The following TRPM3 variants were observed in gnomAD, a reference collection of about 807,000 sequenced individuals.
TRPM3 encodes transient receptor potential cation channel subfamily M member 3.
TRPM3 carries 77 observed loss-of-function variants against 181.2 expected under a neutral mutation model. The ratio of observed to expected loss-of-function variants is 0.42; its 90% confidence interval spans 0.35 to 0.51. The LOEUF (loss-of-function observed/expected upper bound fraction) is 0.51, where lower values mean the gene tolerates loss of function less well. TRPM3 is among the 20% of genes least tolerant of loss of function. The probability of loss-of-function intolerance (pLI) is 0.01; values close to 1 mark genes in which losing one functional copy is unlikely to be tolerated. For synonymous variants in TRPM3, 745 were observed against 796.4 expected, an observed-to-expected ratio of 0.94 and a Z score of 1.09; for missense variants, 1,759 against 2,196.7, an observed-to-expected ratio of 0.80 and a Z score of 3.98.
At chr9:71,038,313 T>C (rs572823630) in intron 1 of TRPM3, among the ~76,000 whole-genome samples, 4 of 152,274 alleles carry the variant, frequency 2.6e-5, no homozygotes, top group East Asian at 1.9e-4. Context: ...AGTAACGAAA[T>C]AGAAGTCCAG....
chr9:70,548,860 C>CTCTCTT (rs1554738075), intron 25 of TRPM3, among the ~76,000 whole-genome samples: 1 of 152,006 alleles, frequency 6.6e-6, no homozygotes, highest in Non-Finnish European at 1.5e-5. Flanking sequence ...CTCTCTCTCT[C>CTCTCTT]TCTCTCTCTT....
chr9:71,353,602 T>C (rs1368195344), intron 1 of TRPM3, among the ~76,000 whole-genome samples: 1 of 152,190 alleles, frequency 6.6e-6, no homozygotes, highest in Non-Finnish European at 1.5e-5. Flanking sequence ...GTATAAAGAT[T>C]AATGATAGAA....
At chr9:70,820,806 C>T (rs1268538072) in intron 6 of TRPM3, among the ~76,000 whole-genome samples, 1 of 151,980 alleles carries the variant, frequency 6.6e-6, no homozygotes, top group Non-Finnish European at 1.5e-5. Context: ...AAGTCAAATA[C>T]GGTAACTTGC....
rs2043952608 is a variant in TRPM3, at chr9:70,543,232, G to A, written c.3708-5827C>T. On this transcript the variant is annotated intron_variant, in intron 25 of 25. Transcript: ENST00000677713. ...TTAATTTTGTGGGTACATAGTAGGTGTATATATTTATGGAGTACATGAGAT... is the reference window on the plus strand; with the variant it reads ...TTAATTTTGTGGGTACATAGTAGGTATATATATTTATGGAGTACATGAGAT... 2.0e-5 allele frequency among the ~76,000 whole-genome samples: 3 copies of A among 152,260 alleles called. No homozygotes were observed. The South Asian group carries it at 6.2e-4, about 32-fold the overall frequency.
At chr9:71,099,559 A>G (rs1204206016) in intron 1 of TRPM3, among the ~76,000 whole-genome samples, 8 of 152,112 alleles carry the variant, frequency 5.3e-5, no homozygotes, top group Non-Finnish European at 1.0e-4. Context: ...CTGTTGTGAG[A>G]CTTTTTTAAT....
At chr9:70,833,989 G>GA (rs1042813661) in intron 5 of TRPM3, among the ~76,000 whole-genome samples, 1 of 151,738 alleles carries the variant, frequency 6.6e-6, no homozygotes, top group Admixed American at 6.6e-5. Context: ...AGAATGAAAT[G>GA]AAAAAAAAGA....
intron 1 of TRPM3, among the ~76,000 whole-genome samples, chr9:70,919,800 AT>A (rs1427633241): frequency 6.6e-6 from 1 of 151,240 alleles, no homozygotes; most frequent in Non-Finnish European, 1.5e-5. Flanking sequence ...AAAAAAAAAA[AT>A]CTTCCATCCC....
intron 1 of TRPM3, among the ~76,000 whole-genome samples, chr9:71,351,117 C>G (rs143281182): frequency 6.6e-6 from 1 of 152,218 alleles, no homozygotes; most frequent in Non-Finnish European, 1.5e-5. Flanking sequence ...GATGAGCTGT[C>G]CTGAATAAGT....
At chr9:71,316,611 A>C (rs1416519650) in intron 1 of TRPM3, among the ~76,000 whole-genome samples, 1 of 152,118 alleles carries the variant, frequency 6.6e-6, no homozygotes, top group Non-Finnish European at 1.5e-5. Flanking sequence ...TGGAAGGAGG[A>C]GGCCATAAGC....
chr9:71,148,943 C>T (rs1292987795), intron 1 of TRPM3, among the ~76,000 whole-genome samples: 1 of 152,112 alleles, frequency 6.6e-6, no homozygotes, highest in African/African-American at 2.4e-5. Context: ...TGACTGTAGG[C>T]TGATAGCCTT....
chr9:71,083,694 C>T (rs1045886796), intron 1 of TRPM3, among the ~76,000 whole-genome samples: 3 of 144,770 alleles, frequency 2.1e-5, no homozygotes, highest in Non-Finnish European at 4.5e-5. Context: ...CATAAAAGTC[C>T]CCAAAATGTA....
intron 22 of TRPM3, among the ~76,000 whole-genome samples, chr9:70,583,258 T>C (rs996939028): frequency 6.6e-6 from 1 of 152,146 alleles, no homozygotes; most frequent in African/African-American, 2.4e-5. Context: ...AAAAGAAATG[T>C]GAGTCTGCAC....
intron 6 of TRPM3, among the ~76,000 whole-genome samples, chr9:70,790,227 T>C (rs143123549): frequency 5.9e-5 from 9 of 152,332 alleles, no homozygotes; most frequent in African/African-American, 1.9e-4. Context: ...AACTGGCTCA[T>C]ATTTACATGG....
intron 12 of TRPM3, among the ~76,000 whole-genome samples, chr9:70,632,566 T>C (rs1400964467): frequency 6.6e-6 from 1 of 152,226 alleles, no homozygotes; most frequent in African/African-American, 2.4e-5. Context: ...TGGCAGTCTC[T>C]TTTTCCAGGT....
intron 1 of TRPM3, among the ~76,000 whole-genome samples, chr9:71,302,898 C>A (rs976006096): frequency 6.6e-6 from 1 of 151,828 alleles, no homozygotes; most frequent in African/African-American, 2.4e-5. Context: ...AAGAAAAAAG[C>A]ATAGTGCTAT....
chr9:70,567,623 A>G (rs2050970305), intron 22 of TRPM3, among the ~76,000 whole-genome samples: 1 of 150,696 alleles, frequency 6.6e-6, no homozygotes, highest in Non-Finnish European at 1.5e-5. Context: ...AGTTGGTCTG[A>G]ATAGACCTGT....
intron 1 of TRPM3, among the ~76,000 whole-genome samples, chr9:71,143,290 A>T (rs1026857255): frequency 2.9e-4 from 44 of 152,200 alleles, no homozygotes; most frequent in African/African-American, 9.6e-4. Flanking sequence ...TAATGCAGGT[A>T]TTAAACCTAG....
At chr9:70,855,474 G>C (rs962960921) in intron 3 of TRPM3, among the ~76,000 whole-genome samples, 2 of 152,120 alleles carry the variant, frequency 1.3e-5, no homozygotes, top group African/African-American at 4.8e-5. Flanking sequence ...AATGAATCTG[G>C]CTACTCTCTC....
At chr9:70,762,605 A>G (rs2078340799) in intron 7 of TRPM3, among the ~76,000 whole-genome samples, 1 of 152,230 alleles carries the variant, frequency 6.6e-6, no homozygotes, top group African/African-American at 2.4e-5. Context: ...ACCATAATTT[A>G]CCTAGTATTT....
Sources: allele counts gnomAD v4.1 joint callset (sites outside exome capture counted in the v4.1 genomes callset), GRCh38; gene constraint gnomAD v4.1.1; transcripts MANE v1.5; gene names NCBI Gene and HGNC (gene_info 2026-07-23, HGNC 2026-07-21).